The following ZNF831 variants were observed in gnomAD, a reference collection of about 807,000 sequenced individuals.
ZNF831 encodes the protein zinc finger protein 831.
In ZNF831, 59 loss-of-function variants were observed where a neutral mutation model predicts 95.8. That is an observed-to-expected ratio of 0.62 (90% CI 0.50 to 0.77). The LOEUF (loss-of-function observed/expected upper bound fraction) is 0.77. Ranked by LOEUF, ZNF831 falls within the 30% of genes least tolerant of loss-of-function variation. The probability of loss-of-function intolerance (pLI) is 0.00; values close to 1 mark genes in which losing one functional copy is unlikely to be tolerated. For missense variants in ZNF831, 2,205 were observed against 2,164.0 expected (o/e 1.02, Z -0.38); for synonymous variants, 961 against 925.5 (o/e 1.04, Z -0.70).
chr20:59,215,640 A>G (rs1158194379), intron 4 of ZNF831, among the ~76,000 whole-genome samples: 1 of 152,226 alleles, frequency 6.6e-6, no homozygotes, highest in Non-Finnish European at 1.5e-5. Flanking sequence ...AGGCACCCAG[A>G]TGATTGATCT....
chr20:59,189,978 A>G (rs898680491), intron 1 of ZNF831, among the ~76,000 whole-genome samples: 14 of 152,194 alleles, frequency 9.2e-5, no homozygotes, highest in African/African-American at 3.4e-4. Flanking sequence ...TTCTCTAGTC[A>G]CAGGCCTGTC....
Position 59,191,057 on chromosome 20 carries a change from CG to C in ZNF831, c.39del (p.Arg14GlyfsTer22). The C allele has an allele frequency of 6.7e-7, 1 of 1,498,752 alleles. No homozygotes were observed. Among genetic ancestry groups the C allele is most frequent in the Non-Finnish European group, 8.8e-7 (1 of 1,132,142 alleles). The allele number at this position is 1,498,752 out of a possible 1,614,324, so 92.8% of individuals were successfully genotyped here. ...VPEPTCPAPP[A>X]RDQPAPTPGP... ...GAACCCACCTGCCCTGCCCCTCCTG[CG>C]AGGGACCAGCCAGCTCCCACTCCTG... is the stretch of plus-strand genomic sequence containing the variant. On this transcript the variant is annotated frameshift_variant, in exon 2 of 6. Transcript: ENST00000371030. LOFTEE classifies it high-confidence loss of function.
intron 1 of ZNF831, among the ~76,000 whole-genome samples, chr20:59,186,580 T>C (rs1226581487): frequency 1.3e-5 from 2 of 152,278 alleles, no homozygotes; most frequent in East Asian, 1.9e-4. Context: ...TCTAGCAAGA[T>C]GGTTAAGCAG....
At chr20:59,144,691 C>A (rs1169071975) in intron 1 of ZNF831, among the ~76,000 whole-genome samples, 3 of 152,124 alleles carry the variant, frequency 2.0e-5, no homozygotes, top group African/African-American at 7.2e-5. Flanking sequence ...AACCCTCAAA[C>A]CCAGCAGAGG....
intron 4 of ZNF831, among the ~76,000 whole-genome samples, chr20:59,211,754 T>G (rs1985346043): frequency 6.7e-6 from 1 of 149,992 alleles, no homozygotes; most frequent in African/African-American, 2.5e-5. Flanking sequence ...AGATCAGAGC[T>G]GCGTCCTCGG....
intron 1 of ZNF831, among the ~76,000 whole-genome samples, chr20:59,188,588 C>T (rs531595960): frequency 7.2e-5 from 11 of 151,994 alleles, no homozygotes; most frequent in East Asian, 1.9e-4. Context: ...ACACGGGAGG[C>T]GGAGGTTGCA....
intron 3 of ZNF831, among the ~76,000 whole-genome samples, chr20:59,197,016 G>A (rs1984170906): frequency 6.6e-6 from 1 of 151,606 alleles, no homozygotes. Flanking sequence ...CAAACTCCTG[G>A]CCTCAAGCGA....
At chr20:59,178,705 T>G (rs1982364993) in intron 1 of ZNF831, among the ~76,000 whole-genome samples, 1 of 152,120 alleles carries the variant, frequency 6.6e-6, no homozygotes, top group Admixed American at 6.5e-5. Flanking sequence ...TCAGTGGGAG[T>G]GGAAGAAAAA....
chr20:59,238,058 C>A (rs1987103584), intron 4 of ZNF831, among the ~76,000 whole-genome samples: 1 of 152,150 alleles, frequency 6.6e-6, no homozygotes, highest in African/African-American at 2.4e-5. Context: ...TCATATGGAA[C>A]CAGTCATCCA....
In ZNF831 at chr20:59,205,266, T is replaced by C. The variant is rs1347963632; in HGVS notation, c.3876-1639T>C. On this transcript the variant is annotated intron_variant, in intron 3 of 5. Transcript: ENST00000371030. Reference sequence around the variant, plus strand: ...TTGTCTCTGCACTTTGAAATCTCTCTCCACCCAGGCCCTGCAGGATTTGGT... The same window carrying C: ...TTGTCTCTGCACTTTGAAATCTCTCCCCACCCAGGCCCTGCAGGATTTGGT... Among the ~76,000 whole-genome samples, 4 of 152,142 alleles carry C rather than the reference T, an allele frequency of 2.6e-5. No individual in the cohort carries two copies. In the East Asian group the frequency reaches 7.7e-4, roughly 29 times the overall value.
chr20:59,230,816 C>T (rs1417904964), intron 4 of ZNF831, among the ~76,000 whole-genome samples: 1 of 152,148 alleles, frequency 6.6e-6, no homozygotes, highest in Non-Finnish European at 1.5e-5. Context: ...GTATTAAGTA[C>T]AATACAGTTT....
intron 4 of ZNF831, among the ~76,000 whole-genome samples, chr20:59,226,128 C>T (rs1357000067): frequency 6.6e-6 from 1 of 152,188 alleles, no homozygotes. Flanking sequence ...GTGGAATATG[C>T]TCACTCCAAG....
At chr20:59,220,648 T>G (rs1986019445) in intron 4 of ZNF831, among the ~76,000 whole-genome samples, 1 of 152,136 alleles carries the variant, frequency 6.6e-6, no homozygotes, top group African/African-American at 2.4e-5. Context: ...GAGAAAGAGG[T>G]TAGGTCTCAA....
chr20:59,175,220 C>T, intron 1 of ZNF831, among the ~76,000 whole-genome samples: 1 of 110,492 alleles, frequency 9.1e-6, no homozygotes. Flanking sequence ...TTGGGTTTAT[C>T]CTGGTGGTGG....
chr20:59,218,595 G>T (rs933279835), intron 4 of ZNF831, among the ~76,000 whole-genome samples: 36 of 145,258 alleles, frequency 2.5e-4, no homozygotes, highest in African/African-American at 8.8e-4. Context: ...TAGCGTGACT[G>T]TTTTTTTTTT....
chr20:59,238,185 T>A (rs1987111825), intron 4 of ZNF831, among the ~76,000 whole-genome samples: 1 of 152,118 alleles, frequency 6.6e-6, no homozygotes, highest in Admixed American at 6.5e-5. Context: ...CAAATCTGAT[T>A]TTTTCTTCTT....
chr20:59,231,096 G>C (rs529614089), intron 4 of ZNF831, among the ~76,000 whole-genome samples: 52 of 152,294 alleles, frequency 3.4e-4, no homozygotes, highest in Middle Eastern at 6.8e-3. Flanking sequence ...GAAGGAGAGA[G>C]TACCTACTTC....
At position 59,191,157 on chromosome 20, in the gene ZNF831, G is replaced by A. The variant is rs1466178873; in HGVS notation, c.138G>A (p.Gln46=). 6.2e-7 allele frequency: 1 copy of A among 1,602,188 alleles called. No homozygotes were observed. Among genetic ancestry groups the A allele is most frequent in the Non-Finnish European group, 8.5e-7 (1 of 1,177,906 alleles). ...TLGPVLLPPE[Q]GLAPPTVFLK... Reference sequence around the variant, plus strand: ...GCCCTGTCCTTCTGCCGCCAGAGCAGGGCCTGGCCCCCCCCACTGTGTTCC... The same window carrying A: ...GCCCTGTCCTTCTGCCGCCAGAGCAAGGCCTGGCCCCCCCCACTGTGTTCC... Residue 46 remains glutamine (Q), a synonymous_variant, in exon 2 of 6, where the codon CAG becomes CAA. Transcript: ENST00000371030.
intron 1 of ZNF831, among the ~76,000 whole-genome samples, chr20:59,175,269 T>A (rs952002555): frequency 6.6e-6 from 1 of 152,158 alleles, no homozygotes; most frequent in Non-Finnish European, 1.5e-5. Flanking sequence ...CCTGAACTTG[T>A]AGCTTTATGT....
Sources: gnomAD v4.1 joint callset for allele counts (sites outside exome capture counted in the v4.1 genomes callset) on GRCh38, gnomAD v4.1.1 for gene constraint, MANE v1.5 for transcripts, NCBI Gene and HGNC (gene_info 2026-07-23, HGNC 2026-07-21) for gene names.